MAD1L1: variants seen among roughly 807,000 people sequenced by gnomAD.
MAD1L1 encodes mitotic arrest deficient 1 like 1.
A neutral mutation model predicts 96.9 loss-of-function variants in MAD1L1; 95 were observed. The observed-to-expected ratio is 0.98, with a 90% confidence interval of 0.83 to 1.16. The LOEUF (loss-of-function observed/expected upper bound fraction) is 1.16, where lower values mean the gene tolerates loss of function less well. Among genes scored for constraint, MAD1L1 ranks in the 50% most tolerant of loss-of-function variants. MAD1L1 has a pLI of 0.00. For synonymous variants in MAD1L1, 473 were observed against 396.6 expected, an observed-to-expected ratio of 1.19 and a Z score of -2.29; for missense variants, 1,007 against 954.4, an observed-to-expected ratio of 1.06 and a Z score of -0.73.
At chr7:2,080,089 G>A (rs138507177) in intron 11 of MAD1L1, 1 of 200,200 alleles carries the variant, frequency 5.0e-6, no homozygotes. Flanking sequence ...ATGGCCAACA[G>A]GCAGGCAGCA....
At chr7:2,072,337 C>G (rs1468271284) in intron 11 of MAD1L1, among the ~76,000 whole-genome samples, 1 of 152,246 alleles carries the variant, frequency 6.6e-6, no homozygotes, top group East Asian at 1.9e-4. Context: ...GGAAACCGTT[C>G]TGAGTCTTTC....
At chr7:1,967,990 C>T (rs964067093) in intron 15 of MAD1L1, among the ~76,000 whole-genome samples, 2 of 152,194 alleles carry the variant, frequency 1.3e-5, no homozygotes, top group African/African-American at 4.8e-5. Context: ...GTGGCAAACT[C>T]CCTCCAGTCC....
chr7:1,916,942 A>G (rs1454018674), intron 17 of MAD1L1, among the ~76,000 whole-genome samples: 1 of 152,124 alleles, frequency 6.6e-6, no homozygotes, highest in Non-Finnish European at 1.5e-5. Flanking sequence ...TCCCATGCCA[A>G]CGAGAACCGA....
chr7:1,890,094 T>C (rs1312708237), intron 18 of MAD1L1, among the ~76,000 whole-genome samples: 1 of 152,228 alleles, frequency 6.6e-6, no homozygotes, highest in African/African-American at 2.4e-5. Flanking sequence ...GGGAGGGGCA[T>C]GTATCCGTGG....
intron 11 of MAD1L1, among the ~76,000 whole-genome samples, chr7:2,108,538 T>A (rs1787211090): frequency 6.6e-6 from 1 of 152,256 alleles, no homozygotes; most frequent in African/African-American, 2.4e-5. Context: ...TAATTTGATT[T>A]TTCATTTTCA....
intron 17 of MAD1L1, among the ~76,000 whole-genome samples, chr7:1,920,528 A>G (rs959994087): frequency 2.6e-5 from 4 of 152,054 alleles, no homozygotes; most frequent in Non-Finnish European, 5.9e-5. Context: ...CATCGCATGG[A>G]GTTGGGGGAG....
chr7:2,086,491 T>G (rs904824603), intron 11 of MAD1L1, among the ~76,000 whole-genome samples: 5 of 152,018 alleles, frequency 3.3e-5, no homozygotes, highest in Non-Finnish European at 7.3e-5. Context: ...ACACGGCCTC[T>G]GCCCATGGGA....
At chr7:2,181,857 G>T (rs555361201) in intron 10 of MAD1L1, among the ~76,000 whole-genome samples, 69 of 152,126 alleles carry the variant, frequency 4.5e-4, no homozygotes, top group African/African-American at 1.5e-3. Context: ...CCATAAAAAG[G>T]AATGAAATAA....
intron 10 of MAD1L1, among the ~76,000 whole-genome samples, chr7:2,204,850 C>T (rs559290381): frequency 1.3e-5 from 2 of 152,332 alleles, no homozygotes; most frequent in Non-Finnish European, 2.9e-5. Context: ...GTGTACAAAG[C>T]TACCAAACCA....
chr7:2,071,931 C>T lies in MAD1L1; in HGVS notation c.1074-2593G>A, dbSNP rs111825190. On this transcript the variant is annotated intron_variant, in intron 11 of 18. Transcript: ENST00000265854. ...GGGGAGGGCACGGACGCTCTGCACC[C>T]TTCCCCCACATCTCGCCCTGCGCAT... 9.8e-3 allele frequency among the ~76,000 whole-genome samples: 1,495 copies of T among 152,348 alleles called. 16 individuals are homozygous for T. The highest frequency in any genetic ancestry group is 0.033 in the South Asian group (158 of 4,830).
At chr7:2,209,494 C>T (rs913061025) in intron 10 of MAD1L1, among the ~76,000 whole-genome samples, 6 of 152,320 alleles carry the variant, frequency 3.9e-5, no homozygotes, top group Admixed American at 6.5e-5. Context: ...AGAAGCGCCC[C>T]CCTGAAGGCA....
At chr7:2,135,408 T>G in intron 11 of MAD1L1, among the ~76,000 whole-genome samples, 1 of 152,276 alleles carries the variant, frequency 6.6e-6, no homozygotes, top group East Asian at 1.9e-4. Flanking sequence ...AGAAAATGCA[T>G]TTTTCATAAA....
At chr7:2,050,548 G>T (rs892473530) in intron 12 of MAD1L1, among the ~76,000 whole-genome samples, 1 of 152,204 alleles carries the variant, frequency 6.6e-6, no homozygotes, top group Non-Finnish European at 1.5e-5. Context: ...CCTATCACCG[G>T]CCTGGAGAAA....
intron 17 of MAD1L1, among the ~76,000 whole-genome samples, chr7:1,900,627 G>T (rs1037316460): frequency 6.6e-6 from 1 of 152,150 alleles, no homozygotes; most frequent in African/African-American, 2.4e-5. Context: ...TGGGGCTATC[G>T]GTAGCAGGAA....
chr7:2,019,098 A>C (rs898051904), intron 12 of MAD1L1, among the ~76,000 whole-genome samples: 5 of 152,224 alleles, frequency 3.3e-5, no homozygotes, highest in South Asian at 2.1e-4. Flanking sequence ...GGGGCTGCAG[A>C]CACGGCTCTG....
At chr7:2,226,519 G>A (rs1793906885) in intron 3 of MAD1L1, among the ~76,000 whole-genome samples, 1 of 152,222 alleles carries the variant, frequency 6.6e-6, no homozygotes, top group Non-Finnish European at 1.5e-5. Flanking sequence ...GAGCCTCAAA[G>A]AGCCCCAGAA....
intron 11 of MAD1L1, among the ~76,000 whole-genome samples, chr7:2,092,126 G>A (rs1786246776): frequency 6.6e-6 from 1 of 152,276 alleles, no homozygotes; most frequent in South Asian, 2.1e-4. Flanking sequence ...AGTTCCTGTG[G>A]CTCCACGTCT....
At chr7:2,085,449 C>T (rs528628486) in intron 11 of MAD1L1, among the ~76,000 whole-genome samples, 1 of 152,330 alleles carries the variant, frequency 6.6e-6, no homozygotes, top group East Asian at 1.9e-4. Context: ...CCTGGTTCTC[C>T]CAGGGCAGTG....
intron 11 of MAD1L1, among the ~76,000 whole-genome samples, chr7:2,147,034 C>T (rs763009621): frequency 5.9e-5 from 9 of 152,206 alleles, no homozygotes; most frequent in Admixed American, 1.3e-4. Flanking sequence ...AGGCACTCAG[C>T]GTCACCAGGC....
Sources: gnomAD v4.1 joint callset for allele counts (sites outside exome capture counted in the v4.1 genomes callset) on GRCh38, gnomAD v4.1.1 for gene constraint, MANE v1.5 for transcripts, NCBI Gene and HGNC (gene_info 2026-07-23, HGNC 2026-07-21) for gene names.